Variants in SHANK2 observed in about 807,000 individuals in gnomAD.
The protein encoded by SHANK2 is SH3 and multiple ankyrin repeat domains protein 2.
In SHANK2, 43 loss-of-function variants were observed where a neutral mutation model predicts 133.7. That is an observed-to-expected ratio of 0.32 (90% CI 0.25 to 0.41). The LOEUF (loss-of-function observed/expected upper bound fraction) is 0.41. Ranked by LOEUF, SHANK2 falls within the 10% of genes least tolerant of loss-of-function variation. The pLI, the probability that SHANK2 is intolerant of heterozygous loss-of-function variation, is 1.00. For missense variants in SHANK2, 1,994 were observed against 2,235.8 expected (o/e 0.89, Z 2.18); for synonymous variants, 1,017 against 952.8 (o/e 1.07, Z -1.24).
chr11:71,238,222 C>G (rs1954847012), intron 1 of SHANK2, among the ~76,000 whole-genome samples: 1 of 152,202 alleles, frequency 6.6e-6, no homozygotes, highest in Non-Finnish European at 1.5e-5. Context: ...TGTAACAGGA[C>G]CTGTGTGCAA....
chr11:70,833,838 G>A (rs140481066), intron 11 of SHANK2, among the ~76,000 whole-genome samples: 29 of 152,352 alleles, frequency 1.9e-4, no homozygotes, highest in African/African-American at 6.7e-4. Flanking sequence ...AGCTCAGGTG[G>A]CTGCAGGCAG....
intron 11 of SHANK2, among the ~76,000 whole-genome samples, chr11:70,867,913 G>A (rs941393511): frequency 3.9e-5 from 6 of 152,216 alleles, no homozygotes; most frequent in Non-Finnish European, 8.8e-5. Flanking sequence ...TGGACTTCAT[G>A]TACTGACAGT....
At chr11:70,938,860 C>T (rs1055875391) in intron 10 of SHANK2, among the ~76,000 whole-genome samples, 1 of 152,082 alleles carries the variant, frequency 6.6e-6, no homozygotes, top group African/African-American at 2.4e-5. Context: ...ACGTGATAAC[C>T]GCCACACTCA....
At chr11:70,545,196 T>G (rs1316785929) in intron 17 of SHANK2, among the ~76,000 whole-genome samples, 1 of 152,230 alleles carries the variant, frequency 6.6e-6, no homozygotes, top group African/African-American at 2.4e-5. Flanking sequence ...CTGCAGTCCC[T>G]GGGCTCGCGC....
intron 6 of SHANK2, among the ~76,000 whole-genome samples, chr11:71,099,740 T>G (rs1158283277): frequency 6.6e-6 from 1 of 152,106 alleles, no homozygotes; most frequent in Non-Finnish European, 1.5e-5. Context: ...CGTATGTCAT[T>G]AGGGAACTGC....
chr11:70,641,853 T>C (rs1412535495), intron 17 of SHANK2, among the ~76,000 whole-genome samples: 1 of 152,166 alleles, frequency 6.6e-6, no homozygotes, highest in Admixed American at 6.5e-5. Flanking sequence ...CCGAGATCCC[T>C]GGGCTGTGGG....
rs941016924 is a variant in SHANK2, at chr11:71,251,534, G to T, written c.-113+891C>A. On this transcript the variant is annotated intron_variant, in intron 1 of 25. Transcript: ENST00000601538. ...ACCCGGTGGAGGCGCCTGGGCCGCG[G>T]GCTGGGCGGGCGGAGCTGCCCGGCC... Among the ~76,000 whole-genome samples the T allele has an allele frequency of 2.6e-5, 4 of 151,754 alleles. No homozygotes were observed. In the East Asian group the frequency reaches 7.8e-4, roughly 29 times the overall value.
intron 15 of SHANK2, among the ~76,000 whole-genome samples, chr11:70,662,762 C>T (rs1944593276): frequency 6.6e-6 from 1 of 152,078 alleles, no homozygotes; most frequent in Admixed American, 6.5e-5. Flanking sequence ...TCTCGCTTTT[C>T]CTGCTGGCAC....
At chr11:71,075,545 G>A (rs1333890381) in intron 8 of SHANK2, among the ~76,000 whole-genome samples, 1 of 152,156 alleles carries the variant, frequency 6.6e-6, no homozygotes, top group Non-Finnish European at 1.5e-5. Context: ...GTCTGGGAAG[G>A]GGCCCCAAAG....
At chr11:71,132,860 G>C (rs1952344871) in intron 3 of SHANK2, among the ~76,000 whole-genome samples, 1 of 152,160 alleles carries the variant, frequency 6.6e-6, no homozygotes, top group African/African-American at 2.4e-5. Context: ...AAATAGTCAA[G>C]TGTAAACCAC....
chr11:70,695,721 G>A (rs1286428646), intron 15 of SHANK2, among the ~76,000 whole-genome samples: 1 of 152,236 alleles, frequency 6.6e-6, no homozygotes, highest in East Asian at 1.9e-4. Flanking sequence ...TGTAACACCT[G>A]CGTTACCAGG....
At chr11:70,940,627 CCAGAA>C (rs1301770003) in intron 10 of SHANK2, among the ~76,000 whole-genome samples, 1 of 152,062 alleles carries the variant, frequency 6.6e-6, no homozygotes, top group East Asian at 1.9e-4. Context: ...ATAATTCCCC[CCAGAA>C]CCGACTCAAT....
chr11:70,480,950 G>A (rs1043669382), intron 25 of SHANK2, among the ~76,000 whole-genome samples: 18 of 152,212 alleles, frequency 1.2e-4, no homozygotes, highest in Admixed American at 1.2e-3. Flanking sequence ...GTGCAGCACT[G>A]TCAGGCCTCT....
At chr11:71,120,672 C>G (rs1952067133) in intron 3 of SHANK2, among the ~76,000 whole-genome samples, 1 of 152,150 alleles carries the variant, frequency 6.6e-6, no homozygotes, top group Non-Finnish European at 1.5e-5. Context: ...GTTGTTTATT[C>G]CAGAAAGATT....
intron 3 of SHANK2, among the ~76,000 whole-genome samples, chr11:71,144,397 C>T (rs1364560129): frequency 5.7e-4 from 87 of 152,190 alleles, no homozygotes; most frequent in African/African-American, 2.0e-3. Flanking sequence ...CCTCCCTCAT[C>T]TTCTGGGCAG....
At chr11:70,799,277 A>C (rs1947991219) in intron 13 of SHANK2, among the ~76,000 whole-genome samples, 2 of 152,130 alleles carry the variant, frequency 1.3e-5, no homozygotes, top group Non-Finnish European at 2.9e-5. Flanking sequence ...CCATGCCTGT[A>C]ATCTCAGCTA....
In SHANK2 at chr11:71,093,085, A is replaced by T. The variant is rs115933309; in HGVS notation, c.745-496T>A. On this transcript the variant is annotated intron_variant, in intron 7 of 25. Coordinates refer to ENST00000601538, the MANE Select transcript of SHANK2 (RefSeq NM_012309.5). ...GGGGCAGGTATAACTTTAGACAACT[A>T]CATTTCTAGTTCTGAAATAGCAAAC... is the stretch of plus-strand genomic sequence containing the variant. Among the ~76,000 whole-genome samples the T allele has an allele frequency of 2.1e-3, 305 of 148,566 alleles. 2 individuals are homozygous for T. The highest frequency in any genetic ancestry group is 7.3e-3 in the African/African-American group (294 of 40,438).
At chr11:70,616,004 T>G (rs1554995811) in intron 17 of SHANK2, among the ~76,000 whole-genome samples, 1 of 152,028 alleles carries the variant, frequency 6.6e-6, no homozygotes, top group Non-Finnish European at 1.5e-5. Flanking sequence ...GCAGACAGCG[T>G]GGATGCCGAG....
intron 2 of SHANK2, among the ~76,000 whole-genome samples, chr11:71,205,041 C>A (rs1314015501): frequency 3.3e-5 from 5 of 152,082 alleles, no homozygotes; most frequent in Non-Finnish European, 5.9e-5. Context: ...TGAAGGCAGC[C>A]CCAGCAGGGT....
Sources: allele counts gnomAD v4.1 joint callset (sites outside exome capture counted in the v4.1 genomes callset), GRCh38; gene constraint gnomAD v4.1.1; transcripts MANE v1.5; gene names NCBI Gene and HGNC (gene_info 2026-07-23, HGNC 2026-07-21).